CDH18: variants seen among roughly 807,000 people sequenced by gnomAD.
CDH18 encodes cadherin 18.
In CDH18, 31 loss-of-function variants were observed where a neutral mutation model predicts 67.9. The ratio of observed to expected loss-of-function variants is 0.46; its 90% CI spans 0.34 to 0.62. CDH18 has a LOEUF of 0.62. Among genes scored for constraint, CDH18 ranks in the 20% least tolerant of loss-of-function variants. The pLI, the probability that CDH18 is intolerant of heterozygous loss-of-function variation, is 0.01. For synonymous variants in CDH18, 362 were observed against 347.2 expected (o/e 1.04, Z -0.48); for missense variants, 890 against 975.5 (o/e 0.91, Z 1.17).
intron 2 of CDH18, among the ~76,000 whole-genome samples, chr5:19,861,875 TTGAC>T (rs1784945990): frequency 6.6e-6 from 1 of 152,166 alleles, no homozygotes; most frequent in African/African-American, 2.4e-5. Context: ...ATTGTGCTAT[TTGAC>T]TGGGTATTGA....
chr5:20,288,643 G>C (rs1467311454), intron 1 of CDH18, among the ~76,000 whole-genome samples: 2 of 151,736 alleles, frequency 1.3e-5, no homozygotes, highest in African/African-American at 2.4e-5. Flanking sequence ...AACCAACGAA[G>C]AGTGATAAGA....
chr5:20,332,563 T>G (rs912285141), intron 1 of CDH18, among the ~76,000 whole-genome samples: 1 of 152,198 alleles, frequency 6.6e-6, no homozygotes, highest in African/African-American at 2.4e-5. Flanking sequence ...TTGGACACTG[T>G]GACTTTAAGT....
At chr5:20,348,827 CA>C (rs1417441106) in intron 1 of CDH18, among the ~76,000 whole-genome samples, 1 of 152,094 alleles carries the variant, frequency 6.6e-6, no homozygotes, top group Non-Finnish European at 1.5e-5. Flanking sequence ...TAAGCAGATC[CA>C]TTGTTCCTGG....
chr5:19,973,359 T>C (rs1193308220), intron 2 of CDH18, among the ~76,000 whole-genome samples: 1 of 151,996 alleles, frequency 6.6e-6, no homozygotes, highest in Non-Finnish European at 1.5e-5. Context: ...TTTGTAAGAG[T>C]GGTGGTTACC....
At chr5:20,484,869 C>T (rs1753063878) in intron 1 of CDH18, among the ~76,000 whole-genome samples, 1 of 151,630 alleles carries the variant, frequency 6.6e-6, no homozygotes, top group Non-Finnish European at 1.5e-5. Context: ...ATCTAGTGTT[C>T]AATAGCACAA....
intron 8 of CDH18, among the ~76,000 whole-genome samples, chr5:19,546,806 A>C (rs529237588): frequency 5.7e-4 from 87 of 152,146 alleles, no homozygotes; most frequent in Admixed American, 1.6e-3. Flanking sequence ...ATGCCAAGAA[A>C]TCTAACTTAT....
intron 5 of CDH18, among the ~76,000 whole-genome samples, chr5:19,673,303 C>G (rs1415104314): frequency 2.0e-5 from 3 of 151,760 alleles, no homozygotes; most frequent in Admixed American, 1.3e-4. Flanking sequence ...ATCACAATAA[C>G]CATTTAAAAC....
chr5:19,877,878 C>T (rs1188531694), intron 2 of CDH18: 1 of 152,124 alleles, frequency 6.6e-6, no homozygotes, highest in African/African-American at 2.4e-5. Context: ...TTCACAAAAT[C>T]ATTTCGCATC....
intron 2 of CDH18, among the ~76,000 whole-genome samples, chr5:20,119,166 T>C (rs546498409): frequency 6.6e-6 from 1 of 152,314 alleles, no homozygotes; most frequent in South Asian, 2.1e-4. Flanking sequence ...AATATTGGGT[T>C]GTATTGTTGG....
intron 2 of CDH18, among the ~76,000 whole-genome samples, chr5:20,181,845 G>A (rs1261140390): frequency 3.3e-5 from 5 of 152,098 alleles, no homozygotes; most frequent in African/African-American, 1.2e-4. Flanking sequence ...GAGCCTCAGT[G>A]GTTTGATGTT....
At position 20,028,350 on chromosome 5, in the gene CDH18, G is replaced by A. The variant is rs562770208; in HGVS notation, c.-517-36336C>T. 5.3e-5 allele frequency among the ~76,000 whole-genome samples: 8 copies of A among 152,136 alleles called. No homozygotes were observed. The East Asian group carries it at 7.7e-4, about 15-fold the overall frequency. ...GATTTAAATTAACAAAGATAACACCGAAATTTCTTGGATCACTTTCCAGTA... is the reference window on the plus strand; with the variant it reads ...GATTTAAATTAACAAAGATAACACCAAAATTTCTTGGATCACTTTCCAGTA... On this transcript the variant is annotated intron_variant, in intron 2 of 14. Transcript: ENST00000507958.
intron 2 of CDH18, among the ~76,000 whole-genome samples, chr5:20,204,027 T>A (rs902439263): frequency 6.6e-6 from 1 of 151,802 alleles, no homozygotes; most frequent in Non-Finnish European, 1.5e-5. Context: ...AAGACAAATA[T>A]AAGAATTATT....
intron 5 of CDH18, among the ~76,000 whole-genome samples, chr5:19,628,253 G>C (rs1007769888): frequency 6.6e-6 from 1 of 152,068 alleles, no homozygotes; most frequent in African/African-American, 2.4e-5. Context: ...CATGATTGTG[G>C]GGGCTCCTCA....
chr5:20,248,097 G>A (rs1443258824), intron 2 of CDH18, among the ~76,000 whole-genome samples: 1 of 152,146 alleles, frequency 6.6e-6, no homozygotes, highest in East Asian at 1.9e-4. Context: ...TAAATGTGAA[G>A]TGTGTGATCA....
intron 2 of CDH18, among the ~76,000 whole-genome samples, chr5:20,063,587 T>C (rs2150512747): frequency 6.6e-6 from 1 of 152,240 alleles, no homozygotes; most frequent in East Asian, 1.9e-4. Flanking sequence ...CCTTCAGAAA[T>C]TGTAATCAGT....
chr5:19,680,513 C>T (rs1240199771), intron 5 of CDH18, among the ~76,000 whole-genome samples: 1 of 151,770 alleles, frequency 6.6e-6, no homozygotes, highest in Non-Finnish European at 1.5e-5. Flanking sequence ...TAAATATTTG[C>T]AAACTGTGCA....
intron 5 of CDH18, among the ~76,000 whole-genome samples, chr5:19,708,997 G>A (rs2150518066): frequency 5.8e-5 from 1 of 17,266 alleles, no homozygotes; most frequent in Non-Finnish European, 3.9e-4. Flanking sequence ...AACAGAACTA[G>A]ACTCTGTTAA....
chr5:20,272,552 T>G (rs2126669766), intron 1 of CDH18, among the ~76,000 whole-genome samples: 1 of 119,592 alleles, frequency 8.4e-6, no homozygotes, highest in East Asian at 2.6e-4. Flanking sequence ...AAGTTCCTGT[T>G]TTTTTTGGAG....
intron 1 of CDH18, among the ~76,000 whole-genome samples, chr5:20,397,104 T>G (rs1207395641): frequency 6.6e-6 from 1 of 150,834 alleles, no homozygotes; most frequent in Non-Finnish European, 1.5e-5. Flanking sequence ...AGTCCACACA[T>G]GTTTTTTGTT....
Sources: allele counts gnomAD v4.1 joint callset (sites outside exome capture counted in the v4.1 genomes callset), GRCh38; gene constraint gnomAD v4.1.1; transcripts MANE v1.5; gene names NCBI Gene and HGNC (gene_info 2026-07-23, HGNC 2026-07-21).